SPATA31A6: variants seen among roughly 807,000 people sequenced by gnomAD.
SPATA31A6 encodes the protein SPATA31 subfamily A member 6, also known as spermatogenesis-associated protein 31A6.
In SPATA31A6, 9 loss-of-function variants were observed where a neutral mutation model predicts 11.9. That is an observed-to-expected ratio of 0.76 (90% CI 0.46 to 1.32). The LOEUF (loss-of-function observed/expected upper bound fraction) is 1.32. Ranked by LOEUF, SPATA31A6 falls within the 40% of genes most tolerant of loss-of-function variation. The pLI is 0.00. For missense variants in SPATA31A6, 855 were observed against 1,467.3 expected, an observed-to-expected ratio of 0.58 and a Z score of 6.82; for synonymous variants, 314 against 572.1, an observed-to-expected ratio of 0.55 and a Z score of 6.44.
In SPATA31A6 at chr9:42,184,106, G is replaced by A. The variant is rs1451772788; in HGVS notation, c.189+230G>A. Among the ~76,000 whole-genome samples, 5 of 137,504 alleles carry A rather than the reference G, an allele frequency of 3.6e-5. 2 individuals are homozygous for A. The highest frequency in any genetic ancestry group is 6.2e-5 in the Non-Finnish European group (4 of 64,420). 90.2% of individuals were successfully genotyped at this position (137,504 alleles called of 152,430 possible). A position where few individuals can be genotyped will look rare whatever the true frequency, so the allele number is the denominator to read the frequency against. On this transcript the variant is annotated intron_variant, in intron 1 of 3. Coordinates refer to ENST00000332857, the MANE Select transcript of SPATA31A6 (RefSeq NM_001145196.1). The stretch of plus-strand genomic sequence containing the variant: ...GTCCATCTGTGGGGGAGCACAGGAG[G>A]CATCAAGGCAAAATCAAACCAGTGG...
Position 42,187,045 on chromosome 9 carries a change from A to G in SPATA31A6, c.1343A>G (p.Asn448Ser). 6.5e-7 allele frequency: 1 copy of G among 1,546,716 alleles called. No homozygotes were observed. ...TTACAGTCTCCTCCTTTCTTGTTCA[A>G]TGAAATGTCCAATGTCTGCCCAATT... is the stretch of plus-strand genomic sequence containing the variant. ...YTLQSPPFLF[N>S]EMSNVCPIQR... Residue 448 changes from asparagine to serine, a missense_variant, in exon 4 of 4, where the codon AAT becomes AGT. Physicochemically the swap from Asn to Ser is conservative, Grantham distance 46 (BLOSUM62 1). Coordinates refer to ENST00000332857, the MANE Select transcript of SPATA31A6 (RefSeq NM_001145196.1).
rs540283630 is a variant in SPATA31A6 at position 42,186,882 on chromosome 9, G to A, written c.1180G>A (p.Gly394Arg). 88 of 1,537,206 alleles carry A rather than the reference G, an allele frequency of 5.7e-5. 16 individuals are homozygous for A. The highest frequency in any genetic ancestry group is 5.4e-4 in the Admixed American group (31 of 57,352). ...GGGAGAGAACTCGAAACAGCTGCCCGGACCTCAGAAGTGCTCAGATCCTAG... is the reference window on the plus strand; with the variant it reads ...GGGAGAGAACTCGAAACAGCTGCCCAGACCTCAGAAGTGCTCAGATCCTAG... ...NMGENSKQLP[G>R]PQKCSDPRLL... Residue 394 changes from glycine to arginine, a missense_variant, in exon 4 of 4, where the codon GGA becomes AGA. Physicochemically the swap from Gly to Arg is moderately radical, Grantham distance 125 (BLOSUM62 -2). Coordinates refer to ENST00000332857, the MANE Select transcript of SPATA31A6 (RefSeq NM_001145196.1).
At position 42,186,859 on chromosome 9, in the gene SPATA31A6, G is replaced by A. The variant is rs1259379938; in HGVS notation, c.1157G>A (p.Gly386Glu). 3.3e-6 allele frequency: 5 copies of A among 1,535,846 alleles called. 2 individuals are homozygous for A. The highest frequency in any genetic ancestry group is 3.1e-5 in the African/African-American group (2 of 65,430). Residue 386 changes from glycine to glutamate, a missense_variant, in exon 4 of 4, where the codon GGA becomes GAA. Physicochemically the swap from Gly to Glu is moderately conservative, Grantham distance 98 (BLOSUM62 -2). Coordinates refer to ENST00000332857, the MANE Select transcript of SPATA31A6 (RefSeq NM_001145196.1). ...TTNPKPFWNM[G>E]ENSKQLPGPQ... ...AACCCAAAACCCTTCTGGAACATGG[G>A]AGAGAACTCGAAACAGCTGCCCGGA...
chr9:42,184,439 C>CTG (rs71364261), intron 1 of SPATA31A6, among the ~76,000 whole-genome samples: 7,883 of 101,942 alleles, frequency 0.077, 783 homozygotes, highest in African/African-American at 0.11. Context: ...GAAAATCCCT[C>CTG]TGTGTGTGTG....
Position 42,183,788 on chromosome 9 carries a change from T to C in SPATA31A6, c.101T>C (p.Phe34Ser). Residue 34 changes from phenylalanine to serine, a missense_variant, in exon 1 of 4, where the codon TTT (phenylalanine) becomes TCT (serine). Transcript: ENST00000332857. Reference sequence around the variant, plus strand: ...TTGGATATCTTCCTCACCTTGGTGTTTGCCCTGGGGTTCTTCTTCCTATTA... The same window carrying C: ...TTGGATATCTTCCTCACCTTGGTGTCTGCCCTGGGGTTCTTCTTCCTATTA... ...WVLDIFLTLV[F>S]ALGFFFLLLP... 6.5e-7 allele frequency: 1 copy of C among 1,535,512 alleles called. No individual in the cohort carries two copies.
rs1211902572 is a variant in SPATA31A6 at position 42,185,840 on chromosome 9, G to C, written c.308+85G>C. 4 of 1,221,166 alleles carry C rather than the reference G, an allele frequency of 3.3e-6. 1 individual carries two copies. The highest frequency in any genetic ancestry group is 4.5e-6 in the Non-Finnish European group (4 of 890,094). 75.6% of individuals were successfully genotyped at this position (1,221,166 alleles called of 1,614,324 possible). On this transcript the variant is annotated intron_variant, in intron 3 of 3. Coordinates refer to ENST00000332857, the MANE Select transcript of SPATA31A6 (RefSeq NM_001145196.1). ...CACAGGCAGCCTGGAGCTGACCTGG[G>C]ATGGGGAGACCAGGGGGACAGAGGA... is the stretch of plus-strand genomic sequence containing the variant.
rs1829543284 is a variant in SPATA31A6, at chr9:42,189,818, A to C, written c.*84A>C. ...AAAATTCACTCTATGTAGAGAAAAA[A>C]TATTTTCTCTCATGTTAGTAAATGC... On this transcript the variant is annotated 3_prime_UTR_variant, in exon 4 of 4. Coordinates refer to ENST00000332857, the MANE Select transcript of SPATA31A6 (RefSeq NM_001145196.1). The C allele has an allele frequency of 6.9e-6, 8 of 1,158,272 alleles. 2 individuals are homozygous for C. In the Admixed American group the frequency reaches 2.3e-4, roughly 33 times the overall value. 71.7% of individuals were successfully genotyped at this position (1,158,272 alleles called of 1,614,324 possible). A position where few individuals can be genotyped will look rare whatever the true frequency, so the allele number is the denominator to read the frequency against.
rs1334362307 is a variant in SPATA31A6 at position 42,184,500 on chromosome 9, T to G, written c.190-569T>G. Among the ~76,000 whole-genome samples, 13 of 105,876 alleles carry G rather than the reference T, an allele frequency of 1.2e-4. 1 individual carries two copies. The highest frequency in any genetic ancestry group is 5.5e-4 in the African/African-American group (13 of 23,778). 69.5% of individuals were successfully genotyped at this position (105,876 alleles called of 152,430 possible). On this transcript the variant is annotated intron_variant, in intron 1 of 3. Transcript: ENST00000332857. Reference sequence around the variant, plus strand: ...GTGTGTGTTATTTTTATTTTATTTGTGTGTTATTTTATTTTATTTTATTTT... The same window carrying G: ...GTGTGTGTTATTTTTATTTTATTTGGGTGTTATTTTATTTTATTTTATTTT...
rs1421607808 is a variant in SPATA31A6, at chr9:42,184,274, G to A, written c.189+398G>A. Among the ~76,000 whole-genome samples the A allele has an allele frequency of 2.1e-4, 28 of 131,662 alleles. 5 individuals are homozygous for A. The highest frequency in any genetic ancestry group is 7.7e-4 in the African/African-American group (25 of 32,546). The allele number at this position is 131,662 out of a possible 152,430, so 86.4% of individuals were successfully genotyped here. A position where few individuals can be genotyped will look rare whatever the true frequency, so the allele number is the denominator to read the frequency against. On this transcript the variant is annotated intron_variant, in intron 1 of 3. Transcript: ENST00000332857. ...TGGGGTGATCTGGGGCCTGTGCTGG[G>A]CCCCCGAGGGCCTCCCACCAGGGCC...
chr9:42,184,882 G>A (rs1829416451), intron 1 of SPATA31A6, 187 bp from the exon 2 acceptor site: 3 of 753,982 alleles, frequency 4.0e-6, no homozygotes, highest in Non-Finnish European at 4.7e-6. Flanking sequence ...TTAAACATGA[G>A]TGGGAGGAAG....
rs1431490143 is a variant in SPATA31A6 at position 42,187,668 on chromosome 9, A to C, written c.1966A>C (p.Lys656Gln). The C allele has an allele frequency of 1.3e-6, 2 of 1,517,116 alleles. 1 individual carries two copies. The highest frequency in any genetic ancestry group is 3.4e-5 in the African/African-American group (2 of 58,716). 94.0% of individuals were successfully genotyped at this position (1,517,116 alleles called of 1,614,324 possible). The change falls in exon 4 of 4, where the codon AAG (lysine) becomes CAG (glutamine). Residue 656 changes from lysine to glutamine, a missense_variant. Coordinates refer to ENST00000332857, the MANE Select transcript of SPATA31A6 (RefSeq NM_001145196.1). ...AAGCAGCAAGGAGGCACAGAAGGTG[A>C]AGTTCCAGCTAGAGAGGGACCTGTG... ...GESSKEAQKV[K>Q]FQLERDLCPH...
chr9:42,186,956 C>T lies in SPATA31A6; in HGVS notation c.1254C>T (p.Gly418=), dbSNP rs1423680241. 5 of 1,543,544 alleles carry T rather than the reference C, an allele frequency of 3.2e-6. 1 individual carries two copies. The highest frequency in any genetic ancestry group is 3.5e-6 in the Non-Finnish European group (4 of 1,142,104). ...AGAATTATAGCCAGCTTTTCTGGGG[C>T]CTCCCCTCTCTGCACAGCGAGTCCC... ...FWKNYSQLFW[G]LPSLHSESLV... Residue 418 remains glycine (G), a synonymous_variant, in exon 4 of 4, where the codon GGC becomes GGT. Transcript: ENST00000332857.
chr9:42,186,735 G>A lies in SPATA31A6; in HGVS notation c.1033G>A (p.Glu345Lys). 1.1e-5 allele frequency: 17 copies of A among 1,529,684 alleles called. 1 individual carries two copies. The highest frequency in any genetic ancestry group is 1.5e-5 in the Non-Finnish European group (17 of 1,138,526). 94.8% of individuals were successfully genotyped at this position (1,529,684 alleles called of 1,614,324 possible). A position where few individuals can be genotyped will look rare whatever the true frequency, so the allele number is the denominator to read the frequency against. The change falls in exon 4 of 4, where the codon GAA (glutamate) becomes AAA (lysine). Residue 345 changes from glutamate (E) to lysine (K), a missense_variant. Physicochemically the swap from Glu to Lys is moderately conservative, Grantham distance 56. Transcript: ENST00000332857. ...TAKVNIWEEKENVGSFTNQMT... is the reference protein window; with the variant it reads ...TAKVNIWEEKKNVGSFTNQMT... Reference sequence around the variant, plus strand: ...CAAGGTCAACATTTGGGAAGAAAAAGAAAATGTTGGATCATTTACAAATCA... The same window carrying A: ...CAAGGTCAACATTTGGGAAGAAAAAAAAAATGTTGGATCATTTACAAATCA...
chr9:42,184,675 C>T (rs141333962), intron 1 of SPATA31A6, among the ~76,000 whole-genome samples: 43,832 of 133,578 alleles, frequency 0.33, 11,614 homozygotes, highest in South Asian at 0.41. Context: ...GGATTACAGG[C>T]GCCCACCACC....
rs1339430324 is a variant in SPATA31A6, at chr9:42,186,886, C to T, written c.1184C>T (p.Pro395Leu). The change falls in exon 4 of 4, where the codon CCT becomes CTT. Residue 395 changes from proline to leucine, a missense_variant. By Grantham distance (98) the Pro-to-Leu change is moderately conservative (BLOSUM62 -3). Transcript: ENST00000332857. ...MGENSKQLPG[P>L]QKCSDPRLLQ... is the part of the protein sequence containing the mutation. ...GAGAACTCGAAACAGCTGCCCGGAC[C>T]TCAGAAGTGCTCAGATCCTAGGCTC... 2 of 1,537,648 alleles carry T rather than the reference C, an allele frequency of 1.3e-6. No homozygotes were observed. The highest frequency in any genetic ancestry group is 1.8e-6 in the Non-Finnish European group (2 of 1,142,396).
rs767385212 is a variant in SPATA31A6, at chr9:42,187,391, C to T, written c.1689C>T (p.Asp563=). The T allele has an allele frequency of 3.5e-5, 53 of 1,531,962 alleles. 7 individuals carry two copies. In the African/African-American group the frequency reaches 4.0e-4, roughly 11 times the overall value. 94.9% of individuals were successfully genotyped at this position (1,531,962 alleles called of 1,614,324 possible). A position where few individuals can be genotyped will look rare whatever the true frequency, so the allele number is the denominator to read the frequency against. ...CCTCTAGGGTCCAAAAATCTCAGGA[C>T]GTCTTTAGTGTCTCCACTCCTAACC... ...ALPSRVQKSQ[D]VFSVSTPNLP... Residue 563 remains aspartate (D), a synonymous_variant, in exon 4 of 4, where the codon GAC becomes GAT. Transcript: ENST00000332857.
chr9:42,187,185 G>C lies in SPATA31A6; in HGVS notation c.1483G>C (p.Ala495Pro), dbSNP rs771172469. 6.5e-7 allele frequency: 1 copy of C among 1,543,082 alleles called. No homozygotes were observed. The highest frequency in any genetic ancestry group is 8.8e-7 in the Non-Finnish European group (1 of 1,138,052). ...FLPTPMAQAE[A>P]QAHLQSSFPV... ...GCCCACACCTATGGCTCAGGCCGAG[G>C]CTCAGGCCCATCTTCAGTCTTCTTT... Residue 495 changes from alanine (A) to proline (P), a missense_variant, in exon 4 of 4, where the codon GCT (alanine) becomes CCT (proline). By Grantham distance (27) the Ala-to-Pro change is conservative. Transcript: ENST00000332857.
In SPATA31A6 at chr9:42,185,079, G is replaced by A. The variant is rs554211810; in HGVS notation, c.200G>A (p.Gly67Glu). ...PSPGKRKCPV[G>E]RRRRPRGRMK... ...CATCATGTCTCCCAGTGTCCAGTAG[G>A]GCGGAGGCGGAGGCCCAGAGGCAGG... The change falls in exon 2 of 4, where the codon GGG (glycine) becomes GAG (glutamate). Residue 67 changes from glycine to glutamate, a missense_variant. By Grantham distance (98) the Gly-to-Glu change is moderately conservative. Transcript: ENST00000332857. 1 of 1,540,168 alleles carries A rather than the reference G, an allele frequency of 6.5e-7. No homozygotes were observed. Among genetic ancestry groups the A allele is most frequent in the Admixed American group, 1.8e-5 (1 of 56,970 alleles).
chr9:42,184,901 G>C (rs1393516406), intron 1 of SPATA31A6, 168 bp from the exon 2 acceptor site: 1 of 789,646 alleles, frequency 1.3e-6, no homozygotes, highest in African/African-American at 2.3e-5. Context: ...AGCACACAGA[G>C]CTCCCTGAGC....
Sources: allele counts gnomAD v4.1 joint callset (sites outside exome capture counted in the v4.1 genomes callset), GRCh38; gene constraint gnomAD v4.1.1; transcripts MANE v1.5; gene names NCBI Gene and HGNC (gene_info 2026-07-23, HGNC 2026-07-21).